The following VAV2 variants were observed in gnomAD, a reference collection of about 807,000 sequenced individuals.
VAV2 encodes the protein vav guanine nucleotide exchange factor 2.
VAV2 carries 67 observed loss-of-function variants against 132.5 expected under a neutral mutation model. That is an observed-to-expected ratio of 0.51 (90% CI 0.42 to 0.62). The LOEUF (loss-of-function observed/expected upper bound fraction) is 0.62, where lower values mean the gene tolerates loss of function less well. VAV2 is among the 20% of genes least tolerant of loss of function. The probability of loss-of-function intolerance (pLI) is 0.00; values close to 1 mark genes in which losing one functional copy is unlikely to be tolerated. For missense variants in VAV2, 938 were observed against 1,153.6 expected (o/e 0.81, Z 2.71); for synonymous variants, 492 against 443.5 (o/e 1.11, Z -1.37).
At position 133,762,952 on chromosome 9, in the gene VAV2, T is replaced by C. The variant is rs911835461; in HGVS notation, c.*1110A>G. The C allele has an allele frequency of 2.6e-5, 4 of 152,552 alleles. No homozygotes were observed. The East Asian group carries it at 7.7e-4, about 29-fold the overall frequency. The allele number at this position is 152,552 out of a possible 1,614,324, so 9.4% of individuals were successfully genotyped here. A position where few individuals can be genotyped will look rare whatever the true frequency, so the allele number is the denominator to read the frequency against. ...CAACATCAGGGTAGAGAAACCAGGG[T>C]CTGGCTAACCCAGCCAGAAGTCGAA... On this transcript the variant is annotated 3_prime_UTR_variant, in exon 30 of 30. Coordinates refer to ENST00000371850, the MANE Select transcript of VAV2 (RefSeq NM_001134398.2). This position sits in a 1 kb window ranked among gnomAD's most constrained non-coding sequence, Gnocchi z 5.0.
At chr9:133,946,189 G>A (rs531295010) in intron 1 of VAV2, among the ~76,000 whole-genome samples, 87 of 152,290 alleles carry the variant, frequency 5.7e-4, no homozygotes, top group African/African-American at 1.9e-3. Flanking sequence ...CCGCCACCCC[G>A]CTGGCCTTTA....
rs1839912810 is a variant in VAV2, at chr9:133,912,310, C to A, written c.321+26793G>T. Among the ~76,000 whole-genome samples, 1 of 152,180 alleles carries A rather than the reference C, an allele frequency of 6.6e-6. No homozygotes were observed. The highest frequency in any genetic ancestry group is 2.4e-5 in the African/African-American group (1 of 41,436). On this transcript the variant is annotated intron_variant, in intron 2 of 29. Coordinates refer to ENST00000371850, the MANE Select transcript of VAV2 (RefSeq NM_001134398.2). The surrounding 1 kb of genome is among the most constrained non-coding windows in gnomAD (Gnocchi z 4.3). ...AGGATGGTCCAAGAAGGCGGGAAGGCCTTCCAGGTCTGGGAACATGAGACC... is the reference window on the plus strand; with the variant it reads ...AGGATGGTCCAAGAAGGCGGGAAGGACTTCCAGGTCTGGGAACATGAGACC...
At chr9:133,827,444 G>C (rs1220986186) in intron 4 of VAV2, among the ~76,000 whole-genome samples, 153 of 1,938 alleles carry the variant, frequency 0.079, 9 homozygotes, top group Non-Finnish European at 0.097. Flanking sequence ...CCACTGAGTG[G>C]GGGCATCACC....
chr9:133,766,759 A>AT (rs1833447141), intron 29 of VAV2, among the ~76,000 whole-genome samples: 77 of 112,110 alleles, frequency 6.9e-4, no homozygotes, highest in Admixed American at 1.5e-3. Flanking sequence ...AGTATAAATA[A>AT]ATATATATAT....
intron 2 of VAV2, among the ~76,000 whole-genome samples, chr9:133,897,309 A>AGCCTCT (rs1321631128): frequency 6.6e-6 from 1 of 152,154 alleles, no homozygotes; most frequent in African/African-American, 2.4e-5. Flanking sequence ...TGCCAGCCTC[A>AGCCTCT]GCCTCTCACT....
At chr9:133,808,361 C>A (rs545771808) in intron 7 of VAV2, among the ~76,000 whole-genome samples, 1 of 152,232 alleles carries the variant, frequency 6.6e-6, no homozygotes, top group Non-Finnish European at 1.5e-5. Flanking sequence ...GGCATCACGG[C>A]CACCCTGGTT....
At chr9:133,990,342 G>A (rs1345530707) in intron 1 of VAV2, among the ~76,000 whole-genome samples, 4 of 152,156 alleles carry the variant, frequency 2.6e-5, no homozygotes, top group Non-Finnish European at 5.9e-5. Context: ...CCTGGCCAAT[G>A]GCTCCAGAGA....
Position 133,861,413 on chromosome 9 carries a change from C to T in VAV2, c.341G>A (p.Arg114Lys). 6.2e-7 allele frequency: 1 copy of T among 1,613,492 alleles called. No homozygotes were observed. ...DFGKVISAVS[R>K]LSLHSIAQNK... is the part of the protein sequence containing the mutation. ...CTGCGCGATGCTGTGCAGGGAGAGC[C>T]TCGACACCGCGGAGATGACCTGGGG... The change falls in exon 3 of 30, where the codon AGG becomes AAG. Residue 114 changes from arginine (R) to lysine (K), a missense_variant. Transcript: ENST00000371850.
At chr9:133,832,202 AG>A (rs1196529569) in intron 4 of VAV2, among the ~76,000 whole-genome samples, 1 of 152,230 alleles carries the variant, frequency 6.6e-6, no homozygotes, top group Non-Finnish European at 1.5e-5. Context: ...CCCCTTGGGC[AG>A]CCCAGAGACC....
At chr9:133,766,614 G>C (rs779194455) in intron 29 of VAV2, among the ~76,000 whole-genome samples, 6 of 152,028 alleles carry the variant, frequency 3.9e-5, no homozygotes, top group African/African-American at 1.4e-4. Flanking sequence ...CACACTGGAG[G>C]GGGAGGGGGA....
chr9:133,836,829 G>T lies in VAV2; in HGVS notation c.381-2489C>A, dbSNP rs531444183. Among the ~76,000 whole-genome samples the T allele has an allele frequency of 3.9e-5, 6 of 152,322 alleles. No individual in the cohort carries two copies. In the South Asian group the frequency reaches 1.2e-3, roughly 32 times the overall value. On this transcript the variant is annotated intron_variant, in intron 3 of 29. Coordinates refer to ENST00000371850, the MANE Select transcript of VAV2 (RefSeq NM_001134398.2). ...AAGGAAACCCACCCTAATGGTGAGT[G>T]AGCACACACGCGTGCCTCTCACTCT...
intron 6 of VAV2, 64 bp downstream of exon 6, chr9:133,810,127 C>T (rs1588207437): frequency 6.2e-7 from 1 of 1,609,252 alleles, no homozygotes; most frequent in East Asian, 2.2e-5. Flanking sequence ...TCTGAGACCT[C>T]CCTGAAAGGT....
intron 21 of VAV2, 150 bp from the exon 22 acceptor site, chr9:133,779,039 A>T: frequency 1.0e-6 from 1 of 984,532 alleles, no homozygotes; most frequent in Non-Finnish European, 1.5e-6. Flanking sequence ...AATCCTTCCC[A>T]TAAGCCTCAT....
intron 12 of VAV2, among the ~76,000 whole-genome samples, chr9:133,792,402 G>A (rs1834523333): frequency 6.7e-6 from 1 of 150,226 alleles, no homozygotes; most frequent in Non-Finnish European, 1.5e-5. Context: ...GTGTGTATGT[G>A]TATGAGTGAT....
chr9:133,836,945 C>T (rs1588246262), intron 3 of VAV2, among the ~76,000 whole-genome samples: 1 of 152,196 alleles, frequency 6.6e-6, no homozygotes, highest in South Asian at 2.1e-4. Flanking sequence ...TCTACTCCTC[C>T]ATCAGTCCTG....
intron 1 of VAV2, among the ~76,000 whole-genome samples, chr9:133,964,462 G>C (rs1842083611): frequency 6.6e-6 from 1 of 151,896 alleles, no homozygotes; most frequent in African/African-American, 2.4e-5. Flanking sequence ...AATTTTGCAT[G>C]CGTATGCTTT....
chr9:133,834,233 T>G lies in VAV2; in HGVS notation c.449+39A>C. 2 of 1,548,772 alleles carry G rather than the reference T, an allele frequency of 1.3e-6. No individual in the cohort carries two copies. Among genetic ancestry groups the G allele is most frequent in the South Asian group, 1.2e-5 (1 of 86,590 alleles). On this transcript the variant is annotated intron_variant, in intron 4 of 29. Transcript: ENST00000371850. The surrounding 1 kb of genome is among the most constrained non-coding windows in gnomAD (Gnocchi z 5.9). ...ACACCACCAGGAACCTCCCTGCCCC[T>G]CCCTCCTCTCCATCCCTCCTCCCAT...
rs1023575197 is a variant in VAV2, at chr9:133,879,693, T to C, written c.322-18261A>G. Among the ~76,000 whole-genome samples the C allele has an allele frequency of 5.3e-5, 8 of 150,832 alleles. No individual in the cohort carries two copies. Among genetic ancestry groups the C allele is most frequent in the African/African-American group, 1.9e-4 (8 of 41,032 alleles). Reference sequence around the variant, plus strand: ...TGGCTCAGATGAACCACCAAGAACCTGCTCTCCCTTCCAAAGCAGAACCTA... The same window carrying C: ...TGGCTCAGATGAACCACCAAGAACCCGCTCTCCCTTCCAAAGCAGAACCTA... On this transcript the variant is annotated intron_variant, in intron 2 of 29. Coordinates refer to ENST00000371850, the MANE Select transcript of VAV2 (RefSeq NM_001134398.2). This position sits in a 1 kb window ranked among gnomAD's most constrained non-coding sequence, Gnocchi z 4.4.
intron 3 of VAV2, among the ~76,000 whole-genome samples, chr9:133,848,067 G>A (rs1195223512): frequency 6.6e-6 from 1 of 152,110 alleles, no homozygotes; most frequent in Non-Finnish European, 1.5e-5. Flanking sequence ...CACGAGGTCA[G>A]GAGATCGAGA....
Sources: allele counts gnomAD v4.1 joint callset (sites outside exome capture counted in the v4.1 genomes callset), GRCh38; gene constraint gnomAD v4.1.1; non-coding constraint Gnocchi (gnomAD v3.1); transcripts MANE v1.5; gene names NCBI Gene and HGNC (gene_info 2026-07-23, HGNC 2026-07-21).